The following DPH6 variants were observed in gnomAD, a reference collection of about 807,000 sequenced individuals.
DPH6 encodes the protein diphthine--ammonia ligase.
DPH6 carries 33 observed loss-of-function variants against 38.2 expected under a neutral mutation model. The ratio of observed to expected loss-of-function variants is 0.86; its 90% CI spans 0.65 to 1.15. DPH6 has a LOEUF of 1.15. DPH6 is among the 50% of genes most tolerant of loss of function. The pLI, the probability that DPH6 is intolerant of heterozygous loss-of-function variation, is 0.00. For missense variants in DPH6, 325 were observed against 320.0 expected (o/e 1.02, Z -0.12); for synonymous variants, 108 against 103.0 (o/e 1.05, Z -0.30).
the DPH6 span, among the ~76,000 whole-genome samples, chr15:35,195,837 G>A: frequency 6.9e-6 from 1 of 145,640 alleles, no homozygotes; most frequent in African/African-American, 2.5e-5. Flanking sequence ...GGTGCTGCCA[G>A]TGGCTCCCAC....
intron 3 of DPH6, among the ~76,000 whole-genome samples, chr15:35,342,916 A>G (rs1248785068): frequency 6.6e-6 from 1 of 152,196 alleles, no homozygotes; most frequent in Non-Finnish European, 1.5e-5. Context: ...ACTGGCTTTA[A>G]TAACGATCAG....
intron 6 of DPH6, among the ~76,000 whole-genome samples, chr15:35,388,228 G>T (rs1233766021): frequency 6.6e-6 from 1 of 152,164 alleles, no homozygotes; most frequent in African/African-American, 2.4e-5. Context: ...TTGATGTGCT[G>T]CTGGATTCGG....
chr15:35,152,164 A>T, the DPH6 span, among the ~76,000 whole-genome samples: 1 of 152,206 alleles, frequency 6.6e-6, no homozygotes, highest in Non-Finnish European at 1.5e-5. Context: ...ACTCTTGTTT[A>T]TATCAATTAG....
At chr15:35,454,560 G>C (rs76902399) in intron 4 of DPH6, among the ~76,000 whole-genome samples, 187 bp downstream of exon 4, 1,944 of 152,094 alleles carry the variant, frequency 0.013, 43 homozygotes, top group African/African-American at 0.044. Context: ...GTTTCCTCAT[G>C]TGAGATATAA....
chr15:35,349,370 G>C (rs2052489266), intron 3 of DPH6, among the ~76,000 whole-genome samples: 1 of 152,062 alleles, frequency 6.6e-6, no homozygotes, highest in African/African-American at 2.4e-5. Flanking sequence ...ATCATGAAAA[G>C]GTATTACATT....
chr15:35,480,951 A>G (rs1213471385), intron 3 of DPH6, among the ~76,000 whole-genome samples: 1 of 145,608 alleles, frequency 6.9e-6, no homozygotes, highest in Non-Finnish European at 1.5e-5. Context: ...TGATGGAAGA[A>G]CATACAACCA....
At chr15:35,205,099 G>A in the DPH6 span, among the ~76,000 whole-genome samples, 2 of 151,808 alleles carry the variant, frequency 1.3e-5, no homozygotes, top group African/African-American at 4.8e-5. Context: ...GACATAAAAG[G>A]CTTTATTAAC....
intron 3 of DPH6, among the ~76,000 whole-genome samples, chr15:35,498,591 C>T (rs2054586344): frequency 1.3e-5 from 2 of 152,242 alleles, no homozygotes; most frequent in South Asian, 4.1e-4. Context: ...GAGAAGTGTA[C>T]ATGCGTCCTT....
the DPH6 span, among the ~76,000 whole-genome samples, chr15:35,147,890 G>T: frequency 1.3e-5 from 2 of 152,194 alleles, no homozygotes; most frequent in Non-Finnish European, 2.9e-5. Flanking sequence ...GACATGCAAC[G>T]CCTTGGGCTG....
intron 3 of DPH6, among the ~76,000 whole-genome samples, chr15:35,302,744 G>A (rs1243361670): frequency 1.3e-5 from 2 of 151,782 alleles, no homozygotes. Context: ...GATTGGGGCT[G>A]CAGTGATTTT....
At chr15:35,400,981 G>A (rs2053210728) in intron 6 of DPH6, 1 of 975,938 alleles carries the variant, frequency 1.0e-6, no homozygotes, top group Admixed American at 1.7e-5. Flanking sequence ...CAAAGACCAG[G>A]TGCCCACTCA....
chr15:35,466,042 A>C (rs561690709), intron 3 of DPH6, among the ~76,000 whole-genome samples: 21 of 152,178 alleles, frequency 1.4e-4, no homozygotes, highest in African/African-American at 4.8e-4. Flanking sequence ...TTTTGCTAAA[A>C]AGATAAGGTG....
At chr15:35,514,974 C>T (rs1595434293) in intron 3 of DPH6, among the ~76,000 whole-genome samples, 1 of 152,032 alleles carries the variant, frequency 6.6e-6, no homozygotes, top group Non-Finnish European at 1.5e-5. Context: ...GCAAAGAATT[C>T]ATCAAAAATA....
intron 3 of DPH6, among the ~76,000 whole-genome samples, chr15:35,532,299 C>T (rs1242345864): frequency 6.6e-6 from 1 of 152,118 alleles, no homozygotes; most frequent in Non-Finnish European, 1.5e-5. Context: ...GATCAGCTGC[C>T]AACAACTTGG....
At chr15:35,299,569 G>A (rs1595467148) in intron 3 of DPH6, 8 of 450,808 alleles carry the variant, frequency 1.8e-5, no homozygotes, top group South Asian at 1.3e-4. Context: ...GGCGCTGGGC[G>A]GCGCGGGGTC....
At chr15:35,339,356 G>A (rs759014027) in intron 3 of DPH6, among the ~76,000 whole-genome samples, 47 of 149,352 alleles carry the variant, frequency 3.1e-4, no homozygotes, top group Admixed American at 1.9e-3. Context: ...ATGGAGTTTC[G>A]CTCTGTCACC....
the DPH6 span, among the ~76,000 whole-genome samples, chr15:35,188,503 C>T: frequency 9.2e-5 from 14 of 152,220 alleles, no homozygotes; most frequent in African/African-American, 3.4e-4. Context: ...CACTTGATCT[C>T]TCAAGTTGTC....
intron 7 of DPH6, among the ~76,000 whole-genome samples, chr15:35,376,196 G>C (rs765395168): frequency 3.9e-5 from 6 of 152,054 alleles, no homozygotes; most frequent in Admixed American, 1.3e-4. Context: ...GCCTGTCCCT[G>C]TTCTACCCCA....
At chr15:35,356,283 C>T (rs544160480) in intron 3 of DPH6, among the ~76,000 whole-genome samples, 27 of 152,310 alleles carry the variant, frequency 1.8e-4, no homozygotes, top group Admixed American at 6.5e-4. Flanking sequence ...TCTCTCAACT[C>T]GTCAAAGTCA....
Sources: gnomAD v4.1 joint callset for allele counts (sites outside exome capture counted in the v4.1 genomes callset) on GRCh38, gnomAD v4.1.1 for gene constraint, MANE v1.5 for transcripts, NCBI Gene and HGNC (gene_info 2026-07-23, HGNC 2026-07-21) for gene names.